NRXN1: variants seen among roughly 807,000 people sequenced by gnomAD.
NRXN1 encodes neurexin-1.
NRXN1 carries 39 observed loss-of-function variants against 150.9 expected under a neutral mutation model. The ratio of observed to expected loss-of-function variants is 0.26; its 90% CI spans 0.20 to 0.34. The LOEUF (loss-of-function observed/expected upper bound fraction) is 0.34. Ranked by LOEUF, NRXN1 falls within the 10% of genes least tolerant of loss-of-function variation. The pLI is 1.00. For synonymous variants in NRXN1, 924 were observed against 757.0 expected (o/e 1.22, Z -3.62); for missense variants, 1,815 against 1,949.9 (o/e 0.93, Z 1.30).
Position 50,359,443 on chromosome 2 carries a change from C to T in NRXN1, c.3364+105999G>A, listed in dbSNP as rs1465713270. Among the ~76,000 whole-genome samples, 3 of 151,532 alleles carry T rather than the reference C, an allele frequency of 2.0e-5. 1 individual carries two copies. Among genetic ancestry groups the T allele is most frequent in the Non-Finnish European group, 1.5e-5 (1 of 67,934 alleles). ...CCTGATGGAGCTGAAACACAGAGCA[C>T]GAGAACTTCGTGAAGCACACACAAG... On this transcript the variant is annotated intron_variant, in intron 17 of 22. Transcript: ENST00000401669.
chr2:50,003,780 A>G (rs566690162), intron 21 of NRXN1, among the ~76,000 whole-genome samples: 1 of 152,148 alleles, frequency 6.6e-6, no homozygotes, highest in African/African-American at 2.4e-5. Flanking sequence ...CCAACATTTC[A>G]TGAGGAGCTA....
intron 18 of NRXN1, among the ~76,000 whole-genome samples, chr2:50,101,781 G>T (rs1308676709): frequency 6.6e-6 from 1 of 151,922 alleles, no homozygotes; most frequent in African/African-American, 2.4e-5. Flanking sequence ...AATTCTATTT[G>T]TGAATCATGA....
At chr2:50,447,310 C>A (rs1418187720) in intron 17 of NRXN1, among the ~76,000 whole-genome samples, 1 of 151,264 alleles carries the variant, frequency 6.6e-6, no homozygotes, top group East Asian at 2.0e-4. Flanking sequence ...CCCATCTGTA[C>A]TATTAATAAA....
At chr2:50,659,112 A>T (rs1686918841) in intron 5 of NRXN1, among the ~76,000 whole-genome samples, 1 of 152,002 alleles carries the variant, frequency 6.6e-6, no homozygotes, top group African/African-American at 2.4e-5. Flanking sequence ...CACACATGTG[A>T]GACAGCATGA....
At chr2:50,328,518 C>T (rs998915691) in intron 17 of NRXN1, among the ~76,000 whole-genome samples, 4 of 151,980 alleles carry the variant, frequency 2.6e-5, no homozygotes, top group Non-Finnish European at 5.9e-5. Context: ...GGGTGAATCA[C>T]GAGGTCAGGA....
Position 50,600,880 on chromosome 2 carries a change from G to T in NRXN1, c.1320+19142C>A, listed in dbSNP as rs1676152607. ...TAAGAAAAGAGAAAATGACATGAAG[G>T]ATTCTGACATTTAGAAAACTAGCAA... is the stretch of plus-strand genomic sequence containing the variant. On this transcript the variant is annotated intron_variant, in intron 8 of 22. Coordinates refer to ENST00000401669, the MANE Select transcript of NRXN1 (RefSeq NM_001330078.2). 1.3e-5 allele frequency among the ~76,000 whole-genome samples: 2 copies of T among 151,912 alleles called. 1 individual carries two copies. The highest frequency in any genetic ancestry group is 4.2e-4 in the South Asian group (2 of 4,816).
At chr2:50,249,885 G>A (rs575928817) in intron 17 of NRXN1, among the ~76,000 whole-genome samples, 22 of 152,060 alleles carry the variant, frequency 1.4e-4, no homozygotes, top group African/African-American at 1.9e-4. Flanking sequence ...TGATCCGCCC[G>A]TCTTGGCCAC....
intron 17 of NRXN1, among the ~76,000 whole-genome samples, chr2:50,290,215 T>A (rs2072740010): frequency 6.6e-6 from 1 of 152,182 alleles, no homozygotes; most frequent in African/African-American, 2.4e-5. Context: ...ATGAGTAGTA[T>A]TTCTTTCCCA....
intron 12 of NRXN1, among the ~76,000 whole-genome samples, chr2:50,527,988 A>C (rs2105182434): frequency 6.6e-6 from 1 of 152,286 alleles, no homozygotes; most frequent in African/African-American, 2.4e-5. Context: ...CACAGTCCTT[A>C]TATCCTTTCA....
At chr2:50,296,921 C>T (rs1362575084) in intron 17 of NRXN1, among the ~76,000 whole-genome samples, 1 of 136,688 alleles carries the variant, frequency 7.3e-6, no homozygotes, top group Non-Finnish European at 1.5e-5. Context: ...CTCGCTCTTT[C>T]ATCCAGGCTG....
chr2:49,957,035 T>A (rs1558579753), intron 21 of NRXN1, among the ~76,000 whole-genome samples: 1 of 152,124 alleles, frequency 6.6e-6, no homozygotes, highest in Non-Finnish European at 1.5e-5. Flanking sequence ...TGACCAGGCA[T>A]CCCTGCTTTG....
intron 5 of NRXN1, among the ~76,000 whole-genome samples, chr2:50,821,844 T>C (rs1669783471): frequency 6.6e-6 from 1 of 152,180 alleles, no homozygotes; most frequent in African/African-American, 2.4e-5. Context: ...AAGTAGGCTC[T>C]CATAAGCATC....
In NRXN1 at chr2:50,538,299, G is replaced by C. The variant is rs747610699; in HGVS notation, c.2097C>G (p.Val699=). The stretch of plus-strand genomic sequence containing the variant: ...GATAGCCTGTTCCGGAACAATCACA[G>C]ACATATCTGTTCCACCCATCCCTGC... ...GMCRDGWNRY[V]CDCSGTGYLG... is the part of the protein sequence containing the mutation. Residue 699 remains valine (V), a synonymous_variant, in exon 10 of 23, where the codon GTC becomes GTG. Coordinates refer to ENST00000401669, the MANE Select transcript of NRXN1 (RefSeq NM_001330078.2). 1.7e-5 allele frequency: 27 copies of C among 1,613,788 alleles called. No individual in the cohort carries two copies. The highest frequency in any genetic ancestry group is 2.2e-5 in the Non-Finnish European group (26 of 1,179,844).
In NRXN1 at chr2:50,552,977, T is replaced by C; in HGVS notation, c.1369A>G (p.Lys457Glu). The C allele has an allele frequency of 1.2e-6, 2 of 1,613,332 alleles. No homozygotes were observed. The highest frequency in any genetic ancestry group is 8.5e-7 in the Non-Finnish European group (1 of 1,179,504). The change falls in exon 9 of 23, where the codon AAG (lysine) becomes GAG (glutamate). Residue 457 changes from lysine to glutamate, a missense_variant. Physicochemically the swap from Lys to Glu is moderately conservative, Grantham distance 56. Around this residue, in one of 6 missense-constraint regions of NRXN1, gnomAD observed 638 missense variants for 652.6 expected, o/e 0.98. Coordinates refer to ENST00000401669, the MANE Select transcript of NRXN1 (RefSeq NM_001330078.2). ...DVRLELSRLA[K>E]QGDPKMKIHG... The stretch of plus-strand genomic sequence containing the variant: ...ATCTTCATCTTAGGATCTCCTTGCT[T>C]GGCAAGTCGAGATAATTCCAGCCTC...
At chr2:50,671,953 T>C (rs1170640813) in intron 5 of NRXN1, among the ~76,000 whole-genome samples, 1 of 151,836 alleles carries the variant, frequency 6.6e-6, no homozygotes, top group African/African-American at 2.4e-5. Flanking sequence ...TGTCATTACA[T>C]TTTATTTGAT....
intron 5 of NRXN1, among the ~76,000 whole-genome samples, chr2:50,770,786 G>A (rs1291488594): frequency 2.6e-5 from 4 of 151,942 alleles, no homozygotes; most frequent in Non-Finnish European, 4.4e-5. Context: ...AATAGAGACT[G>A]GTAGAGAGAG....
intron 8 of NRXN1, among the ~76,000 whole-genome samples, chr2:50,571,141 G>C (rs1670604128): frequency 6.6e-6 from 1 of 152,158 alleles, no homozygotes; most frequent in Non-Finnish European, 1.5e-5. Flanking sequence ...CTGTTTCTTG[G>C]AGAGTCTAGT....
At chr2:50,165,070 G>A (rs951140194) in intron 18 of NRXN1, among the ~76,000 whole-genome samples, 1 of 152,134 alleles carries the variant, frequency 6.6e-6, no homozygotes, top group Non-Finnish European at 1.5e-5. Flanking sequence ...AAAAAGCCAA[G>A]GAGAAAAGCC....
intron 5 of NRXN1, among the ~76,000 whole-genome samples, chr2:50,711,381 G>A (rs1285570264): frequency 6.8e-6 from 1 of 147,780 alleles, no homozygotes. Flanking sequence ...TGTTGTCCAG[G>A]CTGGAGTGCA....
Sources: gnomAD v4.1 joint callset for allele counts (sites outside exome capture counted in the v4.1 genomes callset) on GRCh38, gnomAD v4.1.1 for gene constraint, gnomAD v4.1.1 regional missense constraint, MANE v1.5 for transcripts, NCBI Gene and HGNC (gene_info 2026-07-23, HGNC 2026-07-21) for gene names.